UFM1: variants seen among roughly 807,000 people sequenced by gnomAD.
UFM1 encodes ubiquitin-fold modifier 1.
A neutral mutation model predicts 15.4 loss-of-function variants in UFM1; 9 were observed. The observed-to-expected ratio is 0.59, with a 90% confidence interval of 0.35 to 1.02. The LOEUF is 1.02. Among genes scored for constraint, UFM1 ranks in the 50% least tolerant of loss-of-function variants. The pLI, the probability that UFM1 is intolerant of heterozygous loss-of-function variation, is 0.02. For synonymous variants in UFM1, 27 were observed against 36.3 expected (o/e 0.74, Z 0.92); for missense variants, 98 against 104.7 (o/e 0.94, Z 0.28).
intron 2 of UFM1, 30 bp downstream of exon 2, chr13:38,350,085 G>A (rs1214339664): frequency 5.6e-6 from 9 of 1,614,222 alleles, no homozygotes; most frequent in Non-Finnish European, 7.6e-6. Flanking sequence ...TGGGCCTTTT[G>A]GGGCCGGACA....
Position 38,361,330 on chromosome 13 carries a change from T to C in UFM1, c.*552T>C, listed in dbSNP as rs1236718740. ...AAGATTCAGACCTCAGTTATATAAATTTCAGTTTAATATCAACCAAAAAAT... is the reference window on the plus strand; with the variant it reads ...AAGATTCAGACCTCAGTTATATAAACTTCAGTTTAATATCAACCAAAAAAT... On this transcript the variant is annotated 3_prime_UTR_variant, in exon 6 of 6. Transcript: ENST00000239878. 1 of 152,126 alleles carries C rather than the reference T, an allele frequency of 6.6e-6. No homozygotes were observed. The highest frequency in any genetic ancestry group is 1.5e-5 in the Non-Finnish European group (1 of 68,016). 9.4% of individuals were successfully genotyped at this position (152,126 alleles called of 1,614,324 possible).
chr13:38,352,524 G>A (rs941424288), intron 2 of UFM1, among the ~76,000 whole-genome samples: 1 of 152,112 alleles, frequency 6.6e-6, no homozygotes, highest in African/African-American at 2.4e-5. Context: ...AAAAACAAAT[G>A]ATGCCAGTAA....
Position 38,360,866 on chromosome 13 carries a change from A to T in UFM1, c.*88A>T. ...AAAATTGAAATCAGGCATTTAACATACTATGAAAACACCAGGAGTCAATGA... is the reference window on the plus strand; with the variant it reads ...AAAATTGAAATCAGGCATTTAACATTCTATGAAAACACCAGGAGTCAATGA... On this transcript the variant is annotated 3_prime_UTR_variant, in exon 6 of 6. Coordinates refer to ENST00000239878, the MANE Select transcript of UFM1 (RefSeq NM_016617.4). The T allele has an allele frequency of 9.5e-7, 1 of 1,056,110 alleles. No homozygotes were observed. The highest frequency in any genetic ancestry group is 1.5e-6 in the Non-Finnish European group (1 of 689,234). The allele number at this position is 1,056,110 out of a possible 1,614,324, so 65.4% of individuals were successfully genotyped here.
At position 38,363,176 on chromosome 13, in the gene UFM1, A is replaced by G. The variant is rs1453160258; in HGVS notation, c.*2398A>G. 6 of 152,206 alleles carry G rather than the reference A, an allele frequency of 3.9e-5. No individual in the cohort carries two copies. In the East Asian group the frequency reaches 7.7e-4, roughly 20 times the overall value. The allele number at this position is 152,206 out of a possible 1,614,324, so 9.4% of individuals were successfully genotyped here. Reference sequence around the variant, plus strand: ...GTAGTGATGTTTCGTCCAACAACAGACCGCATATATGACCGTGGTCCCATA... The same window carrying G: ...GTAGTGATGTTTCGTCCAACAACAGGCCGCATATATGACCGTGGTCCCATA... On this transcript the variant is annotated 3_prime_UTR_variant, in exon 6 of 6. Coordinates refer to ENST00000239878, the MANE Select transcript of UFM1 (RefSeq NM_016617.4).
intron 2 of UFM1, 125 bp downstream of exon 2, chr13:38,350,180 G>C (rs747152372): frequency 6.2e-7 from 1 of 1,613,824 alleles, no homozygotes; most frequent in South Asian, 1.1e-5. Flanking sequence ...CTACTTTCCT[G>C]GCTCGCGCCC....
At chr13:38,356,732 A>G in intron 3 of UFM1, among the ~76,000 whole-genome samples, 1 of 151,546 alleles carries the variant, frequency 6.6e-6, no homozygotes, top group Admixed American at 6.6e-5. Flanking sequence ...TTCATGAAGA[A>G]CAGGGATTAC....
Position 38,349,914 on chromosome 13 carries a change from A to C in UFM1, c.-6A>C, listed in dbSNP as rs1236050603. Reference sequence around the variant, plus strand: ...TCGTGTGTTCTGGATTCATTCCGGCACCACCATGTAAGTGTTTGCTTACCG... The same window carrying C: ...TCGTGTGTTCTGGATTCATTCCGGCCCCACCATGTAAGTGTTTGCTTACCG... On this transcript the variant is annotated 5_prime_UTR_variant, in exon 1 of 6. Coordinates refer to ENST00000239878, the MANE Select transcript of UFM1 (RefSeq NM_016617.4). 6.2e-7 allele frequency: 1 copy of C among 1,614,106 alleles called. No individual in the cohort carries two copies. The highest frequency in any genetic ancestry group is 8.5e-7 in the Non-Finnish European group (1 of 1,180,024).
intron 5 of UFM1, 35 bp downstream of exon 5, chr13:38,359,368 G>C (rs767484147): frequency 6.2e-7 from 1 of 1,606,138 alleles, no homozygotes; most frequent in Admixed American, 1.7e-5. Flanking sequence ...GAGTGGGTGG[G>C]GTTATATATG....
In UFM1 at chr13:38,360,693, T is replaced by G; in HGVS notation, c.191-18T>G. ...TGATTTTTAGATATCTAACTTTATG[T>G]TTTGTTTGTTTGTATAGGAAATGTT... On this transcript the variant is annotated intron_variant, in intron 5 of 5. Transcript: ENST00000239878. 1.3e-6 allele frequency: 2 copies of G among 1,570,650 alleles called. No homozygotes were observed. The highest frequency in any genetic ancestry group is 1.7e-6 in the Non-Finnish European group (2 of 1,149,350).
At chr13:38,350,261 G>A in intron 2 of UFM1, 1 of 1,572,974 alleles carries the variant, frequency 6.4e-7, no homozygotes, top group Non-Finnish European at 8.6e-7. Context: ...CAGCTTGGCA[G>A]CTTGGCCCCG....
intron 2 of UFM1, among the ~76,000 whole-genome samples, chr13:38,352,931 C>T (rs1340960417): frequency 6.6e-6 from 1 of 152,136 alleles, no homozygotes; most frequent in Non-Finnish European, 1.5e-5. Context: ...ACTACATATA[C>T]ACTGCAAAAA....
chr13:38,359,986 T>A, intron 5 of UFM1: 1 of 325,738 alleles, frequency 3.1e-6, no homozygotes, highest in Non-Finnish European at 6.0e-6. Context: ...TAGTTATTTT[T>A]AAATTATATT....
In UFM1 at chr13:38,362,639, C is replaced by T. The variant is rs1879468582; in HGVS notation, c.*1861C>T. The T allele has an allele frequency of 6.6e-6, 1 of 151,554 alleles. No homozygotes were observed. Among genetic ancestry groups the T allele is most frequent in the Non-Finnish European group, 1.5e-5 (1 of 67,918 alleles). The allele number at this position is 151,554 out of a possible 1,614,324, so 9.4% of individuals were successfully genotyped here. On this transcript the variant is annotated 3_prime_UTR_variant, in exon 6 of 6. Transcript: ENST00000239878. ...AACAAAATCTGATGTTCAGAGGCCCCGTTTCTTACAATAAATGTTGAGTCT... is the reference window on the plus strand; with the variant it reads ...AACAAAATCTGATGTTCAGAGGCCCTGTTTCTTACAATAAATGTTGAGTCT...
intron 3 of UFM1, among the ~76,000 whole-genome samples, chr13:38,357,654 G>A (rs1178225954): frequency 2.0e-5 from 3 of 151,858 alleles, no homozygotes; most frequent in Non-Finnish European, 4.4e-5. Context: ...ATAGCCTACT[G>A]TTGACTGGAA....
chr13:38,356,717 A>AG (rs1879113901), intron 3 of UFM1, among the ~76,000 whole-genome samples: 1 of 151,198 alleles, frequency 6.6e-6, no homozygotes, highest in Non-Finnish European at 1.5e-5. Flanking sequence ...AAAAAAAAAA[A>AG]AAACTTCATG....
intron 2 of UFM1, among the ~76,000 whole-genome samples, chr13:38,350,805 T>A (rs1352123681): frequency 6.6e-6 from 1 of 152,238 alleles, no homozygotes; most frequent in African/African-American, 2.4e-5. Context: ...TTGGCCTACC[T>A]AGCTGACTGA....
At chr13:38,351,633 T>C (rs1423836291) in intron 2 of UFM1, among the ~76,000 whole-genome samples, 1 of 152,166 alleles carries the variant, frequency 6.6e-6, no homozygotes, top group African/African-American at 2.4e-5. Context: ...GCCCCCTCTC[T>C]CCTCATGATT....
At chr13:38,356,592 C>T (rs9566338) in intron 3 of UFM1, among the ~76,000 whole-genome samples, 1 of 149,418 alleles carries the variant, frequency 6.7e-6, no homozygotes, top group African/African-American at 2.4e-5. Context: ...TCTTCAATTT[C>T]TAATTTAAAA....
intron 2 of UFM1, among the ~76,000 whole-genome samples, chr13:38,352,422 G>C (rs1878902895): frequency 6.6e-6 from 1 of 152,042 alleles, no homozygotes; most frequent in African/African-American, 2.4e-5. Flanking sequence ...TGTCCACAGA[G>C]TTAATCTCGC....
Sources: allele counts gnomAD v4.1 joint callset (sites outside exome capture counted in the v4.1 genomes callset), GRCh38; gene constraint gnomAD v4.1.1; transcripts MANE v1.5; gene names NCBI Gene and HGNC (gene_info 2026-07-23, HGNC 2026-07-21).